The following PCSK2 variants were observed in gnomAD, a reference collection of about 807,000 sequenced individuals.
PCSK2 encodes the protein proprotein convertase subtilisin/kexin type 2.
PCSK2 carries 14 observed loss-of-function variants against 69.7 expected under a neutral mutation model. The observed-to-expected ratio is 0.20, with a 90% CI of 0.13 to 0.31. PCSK2 has a LOEUF of 0.31. Among genes scored for constraint, PCSK2 ranks in the 10% least tolerant of loss-of-function variants. The pLI, the probability that PCSK2 is intolerant of heterozygous loss-of-function variation, is 1.00. For synonymous variants in PCSK2, 307 were observed against 320.7 expected (o/e 0.96, Z 0.46); for missense variants, 544 against 842.5 (o/e 0.65, Z 4.39).
intron 8 of PCSK2, among the ~76,000 whole-genome samples, chr20:17,442,268 C>T (rs968546768): frequency 4.6e-5 from 7 of 151,522 alleles, no homozygotes; most frequent in African/African-American, 7.3e-5. Flanking sequence ...GTTCTGGAGA[C>T]GGAAGTGTCA....
chr20:17,377,306 C>A (rs184264865), intron 5 of PCSK2, among the ~76,000 whole-genome samples: 1 of 152,192 alleles, frequency 6.6e-6, no homozygotes, highest in Non-Finnish European at 1.5e-5. Flanking sequence ...AAAGGCCCAC[C>A]CCTACATTCC....
intron 6 of PCSK2, among the ~76,000 whole-genome samples, chr20:17,410,047 G>A (rs1036671821): frequency 4.6e-5 from 7 of 152,204 alleles, no homozygotes; most frequent in East Asian, 3.9e-4. Flanking sequence ...TGTTATTGAC[G>A]TCCTTGGGTG....
At chr20:17,314,514 G>A (rs889981562) in intron 2 of PCSK2, among the ~76,000 whole-genome samples, 3 of 152,210 alleles carry the variant, frequency 2.0e-5, no homozygotes, top group African/African-American at 7.2e-5. Flanking sequence ...ATAGCTTACA[G>A]TTACTGCCTT....
In PCSK2 at chr20:17,482,643, G is replaced by C. The variant is rs980259932; in HGVS notation, c.*573G>C. On this transcript the variant is annotated 3_prime_UTR_variant, in exon 12 of 12. Transcript: ENST00000262545. ...TGATTCAAAAGATGCCATTCATAGA[G>C]AGCCCTAGTTACTGCATGGGGAAAG... 6.6e-6 allele frequency: 1 copy of C among 152,294 alleles called. No homozygotes were observed. 9.4% of individuals were successfully genotyped at this position (152,294 alleles called of 1,614,324 possible).
chr20:17,280,846 C>A (rs941166623), intron 2 of PCSK2, among the ~76,000 whole-genome samples: 1 of 152,196 alleles, frequency 6.6e-6, no homozygotes, highest in Non-Finnish European at 1.5e-5. Flanking sequence ...TAAACTCCCA[C>A]ACCAACCATG....
At chr20:17,305,167 G>T (rs1809992464) in intron 2 of PCSK2, among the ~76,000 whole-genome samples, 2 of 152,146 alleles carry the variant, frequency 1.3e-5, no homozygotes, top group Non-Finnish European at 2.9e-5. Flanking sequence ...TAAATGTTAG[G>T]CAAGAAAATG....
intron 8 of PCSK2, among the ~76,000 whole-genome samples, chr20:17,439,957 C>T (rs776870491): frequency 1.8e-4 from 27 of 152,200 alleles, no homozygotes; most frequent in Non-Finnish European, 2.6e-4. Flanking sequence ...AATGAAGGGG[C>T]TCATCTCTCA....
intron 5 of PCSK2, among the ~76,000 whole-genome samples, chr20:17,391,906 G>GAGGAAGGAAGGAGGGAAGGAAGGA (rs2031384822): frequency 1.0e-5 from 1 of 99,966 alleles, no homozygotes; most frequent in African/African-American, 3.9e-5. Flanking sequence ...GAAAGAGAGA[G>GAGGAAGGAAGGAGGGAAGGAAGGA]AGGAAGGAAG....
At chr20:17,306,604 C>T (rs979272607) in intron 2 of PCSK2, among the ~76,000 whole-genome samples, 2 of 152,138 alleles carry the variant, frequency 1.3e-5, no homozygotes, top group East Asian at 1.9e-4. Flanking sequence ...GGACACTGTT[C>T]GCATAGGAAC....
chr20:17,466,373 C>T (rs944612856), intron 11 of PCSK2, among the ~76,000 whole-genome samples: 3 of 152,178 alleles, frequency 2.0e-5, no homozygotes, highest in African/African-American at 7.2e-5. Flanking sequence ...TACAGCTTTT[C>T]TCATTGCTGA....
intron 5 of PCSK2, among the ~76,000 whole-genome samples, chr20:17,387,897 C>T (rs6044777): frequency 0.19 from 29,117 of 152,062 alleles, 3,082 homozygotes; most frequent in Middle Eastern, 0.27. Flanking sequence ...TTTGCTACAG[C>T]GGAAGAGTAC....
chr20:17,369,293 C>T lies in PCSK2; in HGVS notation c.543+16C>T, dbSNP rs748406060. The T allele has an allele frequency of 6.2e-7, 1 of 1,610,526 alleles. No homozygotes were observed. The highest frequency in any genetic ancestry group is 1.1e-5 in the South Asian group (1 of 90,978). On this transcript the variant is annotated intron_variant, in intron 5 of 11. Transcript: ENST00000262545. ...CTCCAACTATGTAAGTACAAGCCAACTTTGGTGGGGAAACAGATGCATCTT... is the reference window on the plus strand; with the variant it reads ...CTCCAACTATGTAAGTACAAGCCAATTTTGGTGGGGAAACAGATGCATCTT...
chr20:17,417,754 T>C (rs1349319902), intron 6 of PCSK2, among the ~76,000 whole-genome samples: 1 of 152,204 alleles, frequency 6.6e-6, no homozygotes, highest in Non-Finnish European at 1.5e-5. Flanking sequence ...GATGAAATGA[T>C]ATTATGCCTG....
intron 6 of PCSK2, among the ~76,000 whole-genome samples, chr20:17,411,115 C>T (rs1568637870): frequency 6.6e-6 from 1 of 152,190 alleles, no homozygotes; most frequent in Non-Finnish European, 1.5e-5. Context: ...AAAGGTTCCA[C>T]TCCAAGATGG....
intron 8 of PCSK2, among the ~76,000 whole-genome samples, chr20:17,442,750 A>G (rs2032623451): frequency 3.9e-5 from 6 of 152,202 alleles, no homozygotes; most frequent in Admixed American, 3.9e-4. Context: ...TTCAACATGG[A>G]AATTGACGAA....
chr20:17,248,099 A>G (rs1578405), intron 1 of PCSK2, among the ~76,000 whole-genome samples: 62,413 of 151,740 alleles, frequency 0.41, 13,215 homozygotes, highest in African/African-American at 0.49. Context: ...CGAGTTCTTC[A>G]TTCACTTCTT....
At chr20:17,238,823 T>C (rs1986440493) in intron 1 of PCSK2, among the ~76,000 whole-genome samples, 2 of 152,208 alleles carry the variant, frequency 1.3e-5, no homozygotes, top group African/African-American at 4.8e-5. Flanking sequence ...CAACAACCAT[T>C]GGGTTTACAC....
At chr20:17,267,148 A>C (rs6044710) in intron 2 of PCSK2, among the ~76,000 whole-genome samples, 131,098 of 152,092 alleles carry the variant, frequency 0.86, 56,719 homozygotes, top group Admixed American at 0.9. Flanking sequence ...CCAGAGATTG[A>C]ACTGAACTAA....
At chr20:17,241,932 G>A (rs532998248) in intron 1 of PCSK2, among the ~76,000 whole-genome samples, 14 of 152,284 alleles carry the variant, frequency 9.2e-5, no homozygotes, top group Middle Eastern at 3.4e-3. Flanking sequence ...ATGATATATG[G>A]AAATGTTGCC....
Sources: allele counts gnomAD v4.1 joint callset (sites outside exome capture counted in the v4.1 genomes callset), GRCh38; gene constraint gnomAD v4.1.1; transcripts MANE v1.5; gene names NCBI Gene and HGNC (gene_info 2026-07-23, HGNC 2026-07-21).